Variants in REV1 observed in about 807,000 individuals in gnomAD.
The protein encoded by REV1 is REV1 DNA directed polymerase.
REV1 carries 42 observed loss-of-function variants against 137.4 expected under a neutral mutation model. The observed-to-expected ratio is 0.31, with a 90% CI of 0.24 to 0.40. REV1 has a LOEUF of 0.40. Ranked by LOEUF, REV1 falls within the 10% of genes least tolerant of loss-of-function variation. The probability of loss-of-function intolerance (pLI) is 1.00; values close to 1 mark genes in which losing one functional copy is unlikely to be tolerated. For synonymous variants in REV1, 524 were observed against 519.2 expected (o/e 1.01, Z -0.12); for missense variants, 1,282 against 1,490.1 (o/e 0.86, Z 2.30).
intron 5 of REV1, among the ~76,000 whole-genome samples, chr2:99,441,623 GTCTT>G (rs1337881651): frequency 6.6e-6 from 1 of 151,874 alleles, no homozygotes; most frequent in Non-Finnish European, 1.5e-5. Context: ...CATTTTCATT[GTCTT>G]TCTATGCATG....
At chr2:99,473,061 A>G (rs1420207021) in intron 1 of REV1, among the ~76,000 whole-genome samples, 1 of 152,100 alleles carries the variant, frequency 6.6e-6, no homozygotes, top group African/African-American at 2.4e-5. Context: ...GACTCTCACC[A>G]AGGTATATAA....
In REV1 at chr2:99,418,817, T is replaced by A. The variant is rs1678243354; in HGVS notation, c.1951+11A>T. The A allele has an allele frequency of 6.2e-7, 1 of 1,607,092 alleles. No homozygotes were observed. The highest frequency in any genetic ancestry group is 1.7e-5 in the Admixed American group (1 of 59,652). On this transcript the variant is annotated intron_variant, in intron 12 of 22. Transcript: ENST00000258428. ...CTGTAATAAAAGTATTGTTAAAATA[T>A]TTCTATTTACCTGGTAGATTGGTCA...
chr2:99,486,371 T>C (rs1003745138), intron 1 of REV1, among the ~76,000 whole-genome samples: 4 of 151,568 alleles, frequency 2.6e-5, no homozygotes, highest in Non-Finnish European at 5.9e-5. Context: ...CTACTAAAAA[T>C]ACAAAAAATT....
chr2:99,445,663 A>T (rs1196842015), intron 4 of REV1, among the ~76,000 whole-genome samples: 2 of 152,192 alleles, frequency 1.3e-5, no homozygotes, highest in African/African-American at 4.8e-5. Context: ...TGTGACAAAA[A>T]TTTTTTAAAC....
intron 5 of REV1, 97 bp downstream of exon 5, chr2:99,442,220 C>G (rs1315531030): frequency 8.4e-7 from 1 of 1,196,974 alleles, no homozygotes; most frequent in Admixed American, 3.1e-5. Flanking sequence ...CCATTGCACT[C>G]CAGCCTCGGC....
rs764429918 is a variant in REV1, at chr2:99,435,898, T to G, written c.1257A>C (p.Ile419=). 32 of 1,607,738 alleles carry G rather than the reference T, an allele frequency of 2.0e-5. 1 individual carries two copies. Among genetic ancestry groups the G allele is most frequent in the Middle Eastern group, 1.7e-4 (1 of 6,046 alleles). The stretch of plus-strand genomic sequence containing the variant: ...AGAAGCAATCCATATCAACATGCAT[T>G]ATACAGCTCTGATGTCTGGGAGAAT... ...VLNSPRHQSC[I]MHVDMDCFFV... The change falls in exon 7 of 23, where the codon ATA becomes ATC. Residue 419 remains isoleucine (I), a synonymous_variant. Transcript: ENST00000258428.
At chr2:99,403,842 A>C in intron 18 of REV1, 27 bp from the exon 19 acceptor site, 1 of 1,612,258 alleles carries the variant, frequency 6.2e-7, no homozygotes, top group South Asian at 1.1e-5. Context: ...GGTCAAAGTC[A>C]AACCTGAGCT....
At chr2:99,424,715 A>C in intron 9 of REV1, 1 of 1,271,910 alleles carries the variant, frequency 7.9e-7, no homozygotes. Flanking sequence ...ATATAAACAA[A>C]AGAACTACAC....
chr2:99,417,056 G>A (rs988704819), intron 12 of REV1, among the ~76,000 whole-genome samples: 6 of 152,068 alleles, frequency 3.9e-5, no homozygotes, highest in African/African-American at 1.4e-4. Context: ...TCGATTTAAA[G>A]ATGGTGTTTT....
At position 99,401,213 on chromosome 2, in the gene REV1, CAG is replaced by C. The variant is rs757176462; in HGVS notation, c.*26_*27del. On this transcript the variant is annotated 3_prime_UTR_variant, in exon 23 of 23. Transcript: ENST00000258428. ...TCACAAGCACTTATGGCACAGCTATCAGAGAGCATCAGGCTCTCTGGTAATAT... is the reference window on the plus strand; with the variant it reads ...TCACAAGCACTTATGGCACAGCTATCAGAGCATCAGGCTCTCTGGTAATAT... The C allele has an allele frequency of 2.2e-6, 3 of 1,381,990 alleles. No individual in the cohort carries two copies. Among genetic ancestry groups the C allele is most frequent in the Middle Eastern group, 1.8e-4 (1 of 5,656 alleles). 85.6% of individuals were successfully genotyped at this position (1,381,990 alleles called of 1,614,324 possible).
chr2:99,402,837 C>T (rs368434155), intron 20 of REV1, 37 bp from the exon 21 acceptor site: 5 of 1,613,228 alleles, frequency 3.1e-6, no homozygotes, highest in Non-Finnish European at 3.4e-6. Flanking sequence ...GCTATATTCA[C>T]ACATTATCCA....
chr2:99,473,040 G>T (rs1685586692), intron 1 of REV1, among the ~76,000 whole-genome samples: 1 of 152,134 alleles, frequency 6.6e-6, no homozygotes, highest in Non-Finnish European at 1.5e-5. Context: ...GTCAGGTTTT[G>T]ATCTTGAAGG....
At chr2:99,470,395 T>C (rs1256948193) in intron 1 of REV1, among the ~76,000 whole-genome samples, 7 of 152,162 alleles carry the variant, frequency 4.6e-5, no homozygotes, top group Admixed American at 4.6e-4. Flanking sequence ...CTCTTCAGAC[T>C]CTCCTCCCCG....
rs138854394 is a variant in REV1 at position 99,442,334 on chromosome 2, T to C, written c.486A>G (p.Lys162=). The C allele has an allele frequency of 4.6e-5, 74 of 1,612,020 alleles. No individual in the cohort carries two copies. Among genetic ancestry groups the C allele is most frequent in the Non-Finnish European group, 5.7e-5 (67 of 1,179,176 alleles). Residue 162 remains lysine, a synonymous_variant, in exon 5 of 23, where the codon AAA becomes AAG. Transcript: ENST00000258428. ...AAACTTACACCCTGTTGTTGAGCTG[T>C]TTGGCTATATTGCTTGGACCTGGCA... ...DPLPGPSNIA[K]QLNNRVNHIV...
At chr2:99,477,981 C>T (rs1459196946) in intron 1 of REV1, among the ~76,000 whole-genome samples, 3 of 152,188 alleles carry the variant, frequency 2.0e-5, no homozygotes, top group Non-Finnish European at 2.9e-5. Context: ...ACCTGTAATC[C>T]CAAGACTTTG....
In REV1 at chr2:99,421,529, G is replaced by C. The variant is rs779868491; in HGVS notation, c.1801C>G (p.Gln601Glu). Reference sequence around the variant, plus strand: ...CCAACAGAGGCAGCACATTTCGTCTGGTCTTTGATTTCCATACGAACAGCA... The same window carrying C: ...CCAACAGAGGCAGCACATTTCGTCTCGTCTTTGATTTCCATACGAACAGCA... ...ANAVRMEIKD[Q>E]TKCAASVGIG... The change falls in exon 11 of 23, where the codon CAG becomes GAG. Residue 601 changes from glutamine (Q) to glutamate (E), a missense_variant. By Grantham distance (29) the Gln-to-Glu change is conservative. Around this residue, in one of 7 missense-constraint regions of REV1, gnomAD observed 372 missense variants for 482.3 expected, o/e 0.77. Coordinates refer to ENST00000258428, the MANE Select transcript of REV1 (RefSeq NM_016316.4). 3.2e-5 allele frequency: 52 copies of C among 1,613,826 alleles called. No individual in the cohort carries two copies. The highest frequency in any genetic ancestry group is 4.2e-5 in the Non-Finnish European group (49 of 1,179,914).
rs576893868 is a variant in REV1 at position 99,458,364 on chromosome 2, G to A, written c.181+4132C>T. 2.6e-5 allele frequency among the ~76,000 whole-genome samples: 4 copies of A among 152,268 alleles called. No individual in the cohort carries two copies. The East Asian group carries it at 5.8e-4, about 22-fold the overall frequency. On this transcript the variant is annotated intron_variant, in intron 3 of 22. Coordinates refer to ENST00000258428, the MANE Select transcript of REV1 (RefSeq NM_016316.4). ...GAATGTTCAACATTATTAGCCACGA[G>A]GCAAATGCAAATTAAAATCACAAAG...
At chr2:99,425,548 C>A (rs1210471351) in intron 9 of REV1, among the ~76,000 whole-genome samples, 2 of 152,078 alleles carry the variant, frequency 1.3e-5, no homozygotes, top group African/African-American at 4.8e-5. Context: ...AGGCTTTGTC[C>A]ACTAATGAAG....
intron 6 of REV1, among the ~76,000 whole-genome samples, chr2:99,436,999 T>G (rs564938975): frequency 7.3e-5 from 11 of 151,336 alleles, no homozygotes; most frequent in Middle Eastern, 3.4e-3. Flanking sequence ...TGTTTTTTTT[T>G]TTTTTTTGAG....
Sources: gnomAD v4.1 joint callset for allele counts (sites outside exome capture counted in the v4.1 genomes callset) on GRCh38, gnomAD v4.1.1 for gene constraint, gnomAD v4.1.1 regional missense constraint, MANE v1.5 for transcripts, NCBI Gene and HGNC (gene_info 2026-07-23, HGNC 2026-07-21) for gene names.